SLIT3: variants seen among roughly 807,000 people sequenced by gnomAD.
SLIT3 encodes slit homolog 3 protein.
In SLIT3, 68 loss-of-function variants were observed where a neutral mutation model predicts 184.0. The ratio of observed to expected loss-of-function variants is 0.37; its 90% CI spans 0.30 to 0.45. SLIT3 has a LOEUF of 0.45. Among genes scored for constraint, SLIT3 ranks in the 20% least tolerant of loss-of-function variants. The pLI, the probability that SLIT3 is intolerant of heterozygous loss-of-function variation, is 1.00. For synonymous variants in SLIT3, 831 were observed against 828.6 expected, an observed-to-expected ratio of 1.00 and a Z score of -0.05; for missense variants, 1,707 against 2,026.0, an observed-to-expected ratio of 0.84 and a Z score of 3.02.
chr5:169,282,803 T>A (rs947928672), intron 1 of SLIT3, among the ~76,000 whole-genome samples: 7 of 152,240 alleles, frequency 4.6e-5, no homozygotes, highest in African/African-American at 1.7e-4. Flanking sequence ...TTACATATCT[T>A]ACCTCATTTA....
At chr5:169,088,281 G>GT (rs1177545001) in intron 4 of SLIT3, among the ~76,000 whole-genome samples, 1 of 152,124 alleles carries the variant, frequency 6.6e-6, no homozygotes, top group African/African-American at 2.4e-5. Flanking sequence ...TAGCCAGGTG[G>GT]TTCACGGTGT....
At chr5:168,923,215 A>T (rs2113132318) in intron 4 of SLIT3, among the ~76,000 whole-genome samples, 1 of 152,292 alleles carries the variant, frequency 6.6e-6, no homozygotes, top group African/African-American at 2.4e-5. Context: ...AGGATGGCAG[A>T]TAAACAGCAG....
rs570602520 is a variant in SLIT3 at position 168,665,658 on chromosome 5, G to A, written c.*796C>T. 2 of 152,644 alleles carry A rather than the reference G, an allele frequency of 1.3e-5. No homozygotes were observed. The highest frequency in any genetic ancestry group is 1.9e-4 in the East Asian group (1 of 5,204). The allele number at this position is 152,644 out of a possible 1,614,324, so 9.5% of individuals were successfully genotyped here. A position where few individuals can be genotyped will look rare whatever the true frequency, so the allele number is the denominator to read the frequency against. ...TAGCAGACTTCAATAGTCAGTCCTCGATTGGAAGCCAGGGCCAGCCAGGAA... is the reference window on the plus strand; with the variant it reads ...TAGCAGACTTCAATAGTCAGTCCTCAATTGGAAGCCAGGGCCAGCCAGGAA... On this transcript the variant is annotated 3_prime_UTR_variant, in exon 36 of 36. Transcript: ENST00000519560.
At chr5:168,910,361 C>A (rs377381392) in intron 4 of SLIT3, among the ~76,000 whole-genome samples, 10 of 152,202 alleles carry the variant, frequency 6.6e-5, no homozygotes, top group African/African-American at 1.9e-4. Context: ...CACATACATA[C>A]AAATTTACAT....
chr5:168,751,218 C>T (rs1754689931), intron 18 of SLIT3, among the ~76,000 whole-genome samples: 1 of 152,146 alleles, frequency 6.6e-6, no homozygotes, highest in Admixed American at 6.5e-5. Flanking sequence ...TTTAGGCCCT[C>T]CTCTAACTTC....
intron 4 of SLIT3, among the ~76,000 whole-genome samples, chr5:169,166,757 T>C (rs1171741725): frequency 6.6e-6 from 1 of 152,068 alleles, no homozygotes; most frequent in Non-Finnish European, 1.5e-5. Flanking sequence ...ATGGAAGAAA[T>C]GAAAAGAATG....
chr5:169,060,989 C>T (rs1180814435), intron 4 of SLIT3, among the ~76,000 whole-genome samples: 1 of 152,150 alleles, frequency 6.6e-6, no homozygotes, highest in East Asian at 1.9e-4. Context: ...GCTTCCTAAG[C>T]TGGGTGTTTT....
chr5:169,133,590 A>C (rs1761386307), intron 4 of SLIT3, among the ~76,000 whole-genome samples: 1 of 152,230 alleles, frequency 6.6e-6, no homozygotes, highest in South Asian at 2.1e-4. Flanking sequence ...AAATCTTTAT[A>C]GTAGGAGCTA....
At chr5:168,735,364 C>T (rs544994022) in intron 20 of SLIT3, among the ~76,000 whole-genome samples, 2 of 152,262 alleles carry the variant, frequency 1.3e-5, no homozygotes, top group Non-Finnish European at 2.9e-5. Context: ...AGAGACTCTG[C>T]TCCAGGCCAG....
intron 1 of SLIT3, among the ~76,000 whole-genome samples, chr5:169,268,040 C>T (rs982530990): frequency 6.6e-6 from 1 of 152,196 alleles, no homozygotes; most frequent in African/African-American, 2.4e-5. Flanking sequence ...TTGGAACAGG[C>T]TACATACTTT....
At chr5:168,776,315 TTAATCTGTC>T (rs1561926650) in intron 12 of SLIT3, among the ~76,000 whole-genome samples, 1 of 152,214 alleles carries the variant, frequency 6.6e-6, no homozygotes, top group Non-Finnish European at 1.5e-5. Context: ...AACGGCCTGT[TTAATCTGTC>T]TAATAATGGG....
chr5:168,921,488 T>C (rs1275734207), intron 4 of SLIT3, among the ~76,000 whole-genome samples: 1 of 152,226 alleles, frequency 6.6e-6, no homozygotes, highest in Non-Finnish European at 1.5e-5. Flanking sequence ...TATACATCAT[T>C]GCACCAAGTC....
Position 168,696,431 on chromosome 5 carries a change from G to A in SLIT3, c.2943C>T (p.Ser981=), listed in dbSNP as rs1762067119. 2.5e-6 allele frequency: 4 copies of A among 1,614,010 alleles called. 1 individual carries two copies. The African/African-American group carries it at 5.3e-5, about 22-fold the overall frequency. The change falls in exon 28 of 36, where the codon AGC becomes AGT. Residue 981 remains serine (S), a splice_region_variant and synonymous_variant. Transcript: ENST00000519560. ...CCTCAAAGCCCAGAGGGCAGGAGCA[G>A]CTTTGGGATGTGAGGGGTGGAGAGC... ...HLSDSHKDGF[S]CSCPLGFEGQ...
At chr5:169,279,177 T>G (rs1446651954) in intron 1 of SLIT3, among the ~76,000 whole-genome samples, 1 of 152,200 alleles carries the variant, frequency 6.6e-6, no homozygotes, top group Non-Finnish European at 1.5e-5. Context: ...CTGGGCCCAA[T>G]ACTTTACCTG....
chr5:168,754,479 G>T (rs1754827739), intron 16 of SLIT3, among the ~76,000 whole-genome samples: 1 of 152,182 alleles, frequency 6.6e-6, no homozygotes, highest in African/African-American at 2.4e-5. Context: ...GTTACCAGAG[G>T]CTGGGAAGGT....
chr5:169,207,226 G>T (rs535754989), intron 3 of SLIT3, among the ~76,000 whole-genome samples: 2 of 151,940 alleles, frequency 1.3e-5, no homozygotes, highest in African/African-American at 2.4e-5. Flanking sequence ...ACTTATTGGC[G>T]TTTCAAACTG....
intron 4 of SLIT3, among the ~76,000 whole-genome samples, chr5:169,046,958 A>G (rs1757645983): frequency 6.6e-6 from 1 of 152,156 alleles, no homozygotes; most frequent in Non-Finnish European, 1.5e-5. Context: ...CGCTTGCTAC[A>G]GGGTGTCTAC....
At chr5:169,233,596 T>C (rs1246313970) in intron 3 of SLIT3, among the ~76,000 whole-genome samples, 2 of 152,242 alleles carry the variant, frequency 1.3e-5, no homozygotes, top group Non-Finnish European at 2.9e-5. Context: ...CACGTTTACC[T>C]ATGTAACAAA....
At chr5:168,674,961 G>A (rs1333252193) in intron 32 of SLIT3, among the ~76,000 whole-genome samples, 1 of 152,134 alleles carries the variant, frequency 6.6e-6, no homozygotes, top group African/African-American at 2.4e-5. Context: ...TTTCACAGAT[G>A]AAGACACCGA....
Sources: allele counts gnomAD v4.1 joint callset (sites outside exome capture counted in the v4.1 genomes callset), GRCh38; gene constraint gnomAD v4.1.1; transcripts MANE v1.5; gene names NCBI Gene and HGNC (gene_info 2026-07-23, HGNC 2026-07-21).